GRID2: variants seen among roughly 807,000 people sequenced by gnomAD.
GRID2 encodes glutamate ionotropic receptor delta type subunit 2.
In GRID2, 33 loss-of-function variants were observed where a neutral mutation model predicts 114.8. The observed-to-expected ratio is 0.29, with a 90% CI of 0.22 to 0.38. The LOEUF is 0.38. Ranked by LOEUF, GRID2 falls within the 10% of genes least tolerant of loss-of-function variation. The probability of loss-of-function intolerance (pLI) is 1.00; values close to 1 mark genes in which losing one functional copy is unlikely to be tolerated. For missense variants in GRID2, 1,184 were observed against 1,257.7 expected, an observed-to-expected ratio of 0.94 and a Z score of 0.89; for synonymous variants, 505 against 449.9, an observed-to-expected ratio of 1.12 and a Z score of -1.55.
chr4:93,730,307 G>A (rs1730365296), intron 14 of GRID2, among the ~76,000 whole-genome samples: 1 of 152,186 alleles, frequency 6.6e-6, no homozygotes. Flanking sequence ...CAGAAAATAT[G>A]AGTGCAGCCT....
At chr4:92,721,866 C>T (rs1016681119) in intron 2 of GRID2, among the ~76,000 whole-genome samples, 4 of 152,096 alleles carry the variant, frequency 2.6e-5, no homozygotes, top group African/African-American at 7.2e-5. Context: ...ACATTTAATG[C>T]CACAAGTCAT....
intron 8 of GRID2, among the ~76,000 whole-genome samples, chr4:93,294,267 G>T (rs1345499454): frequency 6.6e-6 from 1 of 152,148 alleles, no homozygotes. Context: ...AGTGGCAGGA[G>T]TTGAAATCAG....
chr4:93,128,910 T>G (rs887081792), intron 4 of GRID2, among the ~76,000 whole-genome samples: 3 of 152,210 alleles, frequency 2.0e-5, no homozygotes, highest in South Asian at 2.1e-4. Flanking sequence ...GTAACTGTTT[T>G]GGGAATTGCA....
chr4:92,481,981 G>GATATATATATATAT (rs35103752), intron 1 of GRID2, among the ~76,000 whole-genome samples: 2 of 47,238 alleles, frequency 4.2e-5, no homozygotes, highest in Non-Finnish European at 8.4e-5. Context: ...AATAAAATGT[G>GATATATATATATAT]ATATATATAT....
chr4:93,380,413 G>A (rs1356529134), intron 8 of GRID2, among the ~76,000 whole-genome samples: 1 of 150,860 alleles, frequency 6.6e-6, no homozygotes, highest in Non-Finnish European at 1.5e-5. Flanking sequence ...ATAATTTTTT[G>A]ATGTTTAAGC....
intron 8 of GRID2, among the ~76,000 whole-genome samples, chr4:93,342,438 GA>G (rs201176788): frequency 3.3e-5 from 5 of 150,928 alleles, no homozygotes; most frequent in Admixed American, 2.6e-4. Flanking sequence ...TTTAAAAAGA[GA>G]AAAAAAAACT....
At chr4:92,408,431 CTT>C (rs35638036) in intron 1 of GRID2, among the ~76,000 whole-genome samples, 34 of 19,408 alleles carry the variant, frequency 1.8e-3, no homozygotes, top group African/African-American at 4.0e-3. Context: ...TATTCAAGCT[CTT>C]TTTTTTTTTT....
chr4:92,786,217 G>A (rs964857965), intron 2 of GRID2, among the ~76,000 whole-genome samples: 1 of 151,628 alleles, frequency 6.6e-6, no homozygotes, highest in African/African-American at 2.4e-5. Flanking sequence ...CCTTCCCTCT[G>A]TAATCCAGTT....
chr4:93,208,474 T>C (rs1293865766), intron 5 of GRID2, among the ~76,000 whole-genome samples: 1 of 151,996 alleles, frequency 6.6e-6, no homozygotes, highest in Non-Finnish European at 1.5e-5. Flanking sequence ...ACTGCGATAA[T>C]GATCATATCA....
At chr4:93,121,626 C>A (rs1733790212) in intron 4 of GRID2, among the ~76,000 whole-genome samples, 1 of 151,944 alleles carries the variant, frequency 6.6e-6, no homozygotes, top group Non-Finnish European at 1.5e-5. Context: ...TTGGATATGT[C>A]TGTAGTTTTG....
At chr4:93,715,384 T>A (rs1247797597) in intron 14 of GRID2, among the ~76,000 whole-genome samples, 1 of 152,204 alleles carries the variant, frequency 6.6e-6, no homozygotes, top group Admixed American at 6.5e-5. Flanking sequence ...AGCTTTGTTC[T>A]TTTTGCTTAG....
At chr4:92,959,771 A>G (rs755419151) in intron 2 of GRID2, among the ~76,000 whole-genome samples, 37 of 152,098 alleles carry the variant, frequency 2.4e-4, no homozygotes, top group Non-Finnish European at 4.9e-4. Context: ...ATCAAACACC[A>G]CATGTTCTCA....
At chr4:93,427,177 C>T (rs920405005) in intron 10 of GRID2, among the ~76,000 whole-genome samples, 2 of 151,936 alleles carry the variant, frequency 1.3e-5, no homozygotes, top group Admixed American at 1.3e-4. Flanking sequence ...AATTCAATTA[C>T]ATAATGATAC....
chr4:93,272,129 T>G (rs1014320066), intron 8 of GRID2, among the ~76,000 whole-genome samples: 1 of 152,230 alleles, frequency 6.6e-6, no homozygotes, highest in East Asian at 1.9e-4. Flanking sequence ...CTGAAAGCTG[T>G]TTTCATTAAT....
intron 14 of GRID2, among the ~76,000 whole-genome samples, chr4:93,694,674 T>C (rs1359487462): frequency 6.6e-6 from 1 of 152,188 alleles, no homozygotes; most frequent in Non-Finnish European, 1.5e-5. Context: ...AAATTTTTCT[T>C]TCTCCTCATC....
chr4:93,024,484 T>G (rs1024228329), intron 2 of GRID2, among the ~76,000 whole-genome samples: 4 of 151,808 alleles, frequency 2.6e-5, no homozygotes, highest in South Asian at 2.1e-4. Flanking sequence ...TAAGCAAATT[T>G]GCCTGTAAAA....
chr4:93,041,041 C>T (rs1413902958), intron 2 of GRID2, among the ~76,000 whole-genome samples: 1 of 152,044 alleles, frequency 6.6e-6, no homozygotes, highest in Non-Finnish European at 1.5e-5. Flanking sequence ...GAACAAAAAT[C>T]AGATTTCACA....
chr4:92,939,490 A>G (rs955921976), intron 2 of GRID2, among the ~76,000 whole-genome samples: 5 of 147,108 alleles, frequency 3.4e-5, no homozygotes, highest in African/African-American at 9.7e-5. Context: ...AGTAGATTGC[A>G]AAAATTTTCT....
intron 14 of GRID2, among the ~76,000 whole-genome samples, chr4:93,644,369 C>T (rs1721910636): frequency 6.6e-6 from 1 of 151,988 alleles, no homozygotes; most frequent in African/African-American, 2.4e-5. Flanking sequence ...ATATTTTTAC[C>T]AATGTTCCAT....
Sources: allele counts gnomAD v4.1 joint callset (sites outside exome capture counted in the v4.1 genomes callset), GRCh38; gene constraint gnomAD v4.1.1; transcripts MANE v1.5; gene names NCBI Gene and HGNC (gene_info 2026-07-23, HGNC 2026-07-21).